The following CCDC39 variants were observed in gnomAD, a reference collection of about 807,000 sequenced individuals.
CCDC39 encodes coiled-coil domain 39 molecular ruler complex subunit.
CCDC39 carries 113 observed loss-of-function variants against 121.0 expected under a neutral mutation model. The ratio of observed to expected loss-of-function variants is 0.93; its 90% CI spans 0.80 to 1.09. The LOEUF (loss-of-function observed/expected upper bound fraction) is 1.09. Among genes scored for constraint, CCDC39 ranks in the 50% least tolerant of loss-of-function variants. The pLI is 0.00. For synonymous variants in CCDC39, 349 were observed against 352.2 expected (o/e 0.99, Z 0.10); for missense variants, 1,063 against 1,074.7 (o/e 0.99, Z 0.15).
chr3:180,658,596 C>CAA (rs545147274), intron 6 of CCDC39, among the ~76,000 whole-genome samples: 17 of 134,466 alleles, frequency 1.3e-4, no homozygotes, highest in African/African-American at 4.3e-4. Context: ...GACTCCGTCT[C>CAA]AAAAAAAAAA....
At chr3:180,635,069 CAT>C (rs1358221741) in intron 13 of CCDC39, among the ~76,000 whole-genome samples, 2 of 152,158 alleles carry the variant, frequency 1.3e-5, no homozygotes, top group Admixed American at 6.5e-5. Context: ...CCTCTGGAAA[CAT>C]ATAATCATGA....
At position 180,661,945 on chromosome 3, in the gene CCDC39, T is replaced by C. The variant is rs1267973918; in HGVS notation, c.273A>G (p.Gln91=). The C allele has an allele frequency of 3.2e-6, 5 of 1,568,628 alleles. No individual in the cohort carries two copies. The highest frequency in any genetic ancestry group is 2.3e-5 in the East Asian group (1 of 43,164). Residue 91 remains glutamine (Q), a synonymous_variant, in exon 3 of 20, where the codon CAA becomes CAG. Transcript: ENST00000476379. ...ESEEHFKAIA[Q]RELGRVKDEI... is the part of the protein sequence containing the mutation. The stretch of plus-strand genomic sequence containing the variant: ...CATCTTTCACTCGTCCCAATTCTCT[T>C]TGAGCAATGGCCTTAAAATGTTCTT...
At chr3:180,663,395 A>G (rs1283457245) in intron 2 of CCDC39, among the ~76,000 whole-genome samples, 1 of 152,134 alleles carries the variant, frequency 6.6e-6, no homozygotes, top group African/African-American at 2.4e-5. Flanking sequence ...ATATGGATTA[A>G]TTTTTTGGTT....
intron 1 of CCDC39, among the ~76,000 whole-genome samples, chr3:180,675,360 T>A (rs1712166293): frequency 6.6e-6 from 1 of 152,152 alleles, no homozygotes; most frequent in African/African-American, 2.4e-5. Flanking sequence ...ATCTATTTGA[T>A]TGTTCTCTCT....
At chr3:180,658,792 C>T (rs1711659117) in intron 6 of CCDC39, among the ~76,000 whole-genome samples, 2 of 152,112 alleles carry the variant, frequency 1.3e-5, no homozygotes, top group South Asian at 4.1e-4. Context: ...TGCCAAATGC[C>T]TTTCCATGGA....
rs985673201 is a variant in CCDC39, at chr3:180,652,465, A to C, written c.931-199T>G. Reference sequence around the variant, plus strand: ...AAATTTTAATTGGCTTTGTTGTATAATCCTAGCAAATTATAGAGAACACAT... The same window carrying C: ...AAATTTTAATTGGCTTTGTTGTATACTCCTAGCAAATTATAGAGAACACAT... On this transcript the variant is annotated intron_variant, in intron 7 of 19. Transcript: ENST00000476379. Among the ~76,000 whole-genome samples the C allele has an allele frequency of 2.0e-5, 3 of 152,150 alleles. 1 individual carries two copies. The highest frequency in any genetic ancestry group is 7.2e-5 in the African/African-American group (3 of 41,430).
In CCDC39 at chr3:180,675,964, C is replaced by A. The variant is rs148316724; in HGVS notation, c.90+3327G>T. On this transcript the variant is annotated intron_variant, in intron 1 of 19. Coordinates refer to ENST00000476379, the MANE Select transcript of CCDC39 (RefSeq NM_181426.2). ...ATATGTAGAAAGCTGAAACTGGATT[C>A]CTTCCTTACACCTTATACAAAAATT... 4.3e-3 allele frequency among the ~76,000 whole-genome samples: 654 copies of A among 152,266 alleles called. 5 individuals are homozygous for A. Among genetic ancestry groups the A allele is most frequent in the Non-Finnish European group, 6.3e-3 (429 of 68,020 alleles).
rs755198953 is a variant in CCDC39 at position 180,660,739 on chromosome 3, AAG to A, written c.358-13_358-12del. The A allele has an allele frequency of 5.0e-6, 8 of 1,592,550 alleles. No homozygotes were observed. The highest frequency in any genetic ancestry group is 2.3e-5 in the South Asian group (2 of 87,790). ...TTTAAATATGCCATTCTAATTTCCA[AAG>A]AGAGAGAGAAAAGGGGAGATTACAA... On this transcript the variant is annotated splice_polypyrimidine_tract_variant and intron_variant, in intron 3 of 19. Transcript: ENST00000476379.
rs1336361530 is a variant in CCDC39 at position 180,658,802 on chromosome 3, A to C, written c.738+650T>G. ...CTGCTTGCCAAATGCCTTTCCATGG[A>C]GTAGATAGAATTTAACCCATCTTCT... On this transcript the variant is annotated intron_variant, in intron 6 of 19. Coordinates refer to ENST00000476379, the MANE Select transcript of CCDC39 (RefSeq NM_181426.2). Among the ~76,000 whole-genome samples, 6 of 152,266 alleles carry C rather than the reference A, an allele frequency of 3.9e-5. No individual in the cohort carries two copies. In the East Asian group the frequency reaches 1.2e-3, roughly 29 times the overall value.
chr3:180,667,023 C>A (rs1282196155), intron 1 of CCDC39, among the ~76,000 whole-genome samples: 3 of 151,728 alleles, frequency 2.0e-5, no homozygotes, highest in African/African-American at 4.8e-5. Context: ...AAGATAAAAC[C>A]CTAAATACTT....
chr3:180,622,143 T>C (rs1717445536), intron 14 of CCDC39, among the ~76,000 whole-genome samples: 1 of 152,148 alleles, frequency 6.6e-6, no homozygotes, highest in African/African-American at 2.4e-5. Flanking sequence ...CCTCCTTGGT[T>C]AAATACATTT....
chr3:180,635,941 G>C (rs561958026), intron 13 of CCDC39, among the ~76,000 whole-genome samples: 1 of 152,290 alleles, frequency 6.6e-6, no homozygotes, highest in Non-Finnish European at 1.5e-5. Context: ...ATTAGGCGTT[G>C]AAGGAACATA....
At chr3:180,655,134 T>C (rs1167215170) in intron 6 of CCDC39, among the ~76,000 whole-genome samples, 181 bp from the exon 7 acceptor site, 1 of 152,122 alleles carries the variant, frequency 6.6e-6, no homozygotes, top group Non-Finnish European at 1.5e-5. Context: ...CATATTAATG[T>C]CTATAAATTC....
Position 180,659,675 on chromosome 3 carries a change from A to G in CCDC39, c.609+2T>C. The stretch of plus-strand genomic sequence containing the variant: ...AGAAATAAAAATCTTCCTTAAACTA[A>G]CCTGTGCGCTTATAGTCTCTGTAAG... On this transcript the variant is annotated splice_donor_variant, in intron 5 of 19. Transcript: ENST00000476379. LOFTEE classifies it high-confidence loss of function. 1.2e-6 allele frequency: 2 copies of G among 1,607,102 alleles called. No individual in the cohort carries two copies. Among genetic ancestry groups the G allele is most frequent in the Non-Finnish European group, 1.7e-6 (2 of 1,177,768 alleles).
chr3:180,615,575 T>C (rs918663162), intron 19 of CCDC39, among the ~76,000 whole-genome samples: 1 of 152,148 alleles, frequency 6.6e-6, no homozygotes, highest in African/African-American at 2.4e-5. Flanking sequence ...ACAGGGATGT[T>C]CAGTTATATA....
chr3:180,648,847 C>T (rs952457717), intron 9 of CCDC39, among the ~76,000 whole-genome samples: 8 of 152,154 alleles, frequency 5.3e-5, no homozygotes, highest in South Asian at 4.1e-4. Flanking sequence ...CTGATTTCCA[C>T]GGTATAAATA....
At chr3:180,669,428 C>A (rs143394984) in intron 1 of CCDC39, among the ~76,000 whole-genome samples, 5,744 of 152,134 alleles carry the variant, frequency 0.038, 372 homozygotes, top group African/African-American at 0.13. Flanking sequence ...AGAACTGAAA[C>A]TTTTATCATA....
intron 14 of CCDC39, among the ~76,000 whole-genome samples, chr3:180,622,769 A>G (rs892877831): frequency 6.6e-6 from 1 of 152,076 alleles, no homozygotes; most frequent in African/African-American, 2.4e-5. Context: ...AACCCCCTTC[A>G]TCATGGTGTA....
intron 13 of CCDC39, among the ~76,000 whole-genome samples, chr3:180,636,275 C>A (rs150945643): frequency 2.6e-5 from 4 of 152,076 alleles, no homozygotes; most frequent in Non-Finnish European, 5.9e-5. Flanking sequence ...ACAAAATCAA[C>A]GTATAAAAAT....
Sources: gnomAD v4.1 joint callset for allele counts (sites outside exome capture counted in the v4.1 genomes callset) on GRCh38, gnomAD v4.1.1 for gene constraint, MANE v1.5 for transcripts, NCBI Gene and HGNC (gene_info 2026-07-23, HGNC 2026-07-21) for gene names.